CDK12: variants seen among roughly 807,000 people sequenced by gnomAD.
CDK12 encodes cyclin-dependent kinase 12.
In CDK12, 17 loss-of-function variants were observed where a neutral mutation model predicts 133.8. The ratio of observed to expected loss-of-function variants is 0.13; its 90% CI spans 0.09 to 0.19. The LOEUF (loss-of-function observed/expected upper bound fraction) is 0.19, where lower values mean the gene tolerates loss of function less well. Ranked by LOEUF, CDK12 falls within the 10% of genes least tolerant of loss-of-function variation. CDK12 has a pLI of 1.00. For synonymous variants in CDK12, 694 were observed against 683.6 expected (o/e 1.02, Z -0.24); for missense variants, 1,508 against 1,818.7 (o/e 0.83, Z 3.11).
intron 11 of CDK12, 98 bp from the exon 12 acceptor site, chr17:39,524,576 T>C (rs2054379796): frequency 2.9e-6 from 3 of 1,046,446 alleles, no homozygotes; most frequent in Non-Finnish European, 4.3e-6. Context: ...TCTTTACATT[T>C]CCCACAGTCT....
At chr17:39,492,317 C>G (rs1318077124) in intron 3 of CDK12, among the ~76,000 whole-genome samples, 10 of 150,792 alleles carry the variant, frequency 6.6e-5, no homozygotes, top group Non-Finnish European at 1.0e-4. Flanking sequence ...AGGATGGTCT[C>G]TATCTCCTGA....
chr17:39,462,432 G>A lies in CDK12; in HGVS notation c.361G>A (p.Asp121Asn), dbSNP rs2144871534. ...TCACCACCAGCACAGGCGTTCCCGGGACTTACTAAAAGCTAAACAGACCGA... is the reference window on the plus strand; with the variant it reads ...TCACCACCAGCACAGGCGTTCCCGGAACTTACTAAAAGCTAAACAGACCGA... ...HRHHQHRRSR[D>N]LLKAKQTEKE... The change falls in exon 1 of 14, where the codon GAC becomes AAC. Residue 121 changes from aspartate (D) to asparagine (N), a missense_variant. By Grantham distance (23) the Asp-to-Asn change is conservative (BLOSUM62 1). Coordinates refer to ENST00000447079, the MANE Select transcript of CDK12 (RefSeq NM_016507.4). The A allele has an allele frequency of 6.2e-7, 1 of 1,614,094 alleles. No individual in the cohort carries two copies. The highest frequency in any genetic ancestry group is 1.6e-4 in the Middle Eastern group (1 of 6,062).
rs761757608 is a variant in CDK12 at position 39,511,633 on chromosome 17, A to G, written c.2768+3A>G. 3 of 1,597,650 alleles carry G rather than the reference A, an allele frequency of 1.9e-6. No individual in the cohort carries two copies. The highest frequency in any genetic ancestry group is 4.5e-5 in the East Asian group (2 of 44,786). On this transcript the variant is annotated splice_donor_region_variant and intron_variant, in intron 8 of 13. Transcript: ENST00000447079. ...GCCATAGATGTTTGGAGCTGTGGGT[A>G]AGGTTCTGTTAACTTTTTCTTTTGT... is the stretch of plus-strand genomic sequence containing the variant.
chr17:39,470,175 A>C (rs1225359117), intron 1 of CDK12, among the ~76,000 whole-genome samples: 1 of 149,810 alleles, frequency 6.7e-6, no homozygotes, highest in Non-Finnish European at 1.5e-5. Flanking sequence ...TCTGTCGCCC[A>C]GGCTGGAGTG....
intron 2 of CDK12, among the ~76,000 whole-genome samples, chr17:39,476,711 CTTTTTTTTTTTTTTT>C (rs879840168): frequency 4.7e-5 from 4 of 84,516 alleles, no homozygotes; most frequent in African/African-American, 2.3e-4. Context: ...CCATGCCTGC[CTTTTTTTTTTTTTTT>C]TTTTTTTTTT....
intron 2 of CDK12, among the ~76,000 whole-genome samples, chr17:39,488,019 G>A (rs1474179501): frequency 6.6e-6 from 1 of 152,042 alleles, no homozygotes; most frequent in Non-Finnish European, 1.5e-5. Flanking sequence ...CACTTGGGGA[G>A]GTCCAGGATT....
chr17:39,544,185 A>G, upstream of CDK12: 1 of 476,876 alleles, frequency 2.1e-6, no homozygotes, highest in Non-Finnish European at 4.2e-6. Context: ...GCAAGACCAA[A>G]GATGTTCTTT....
At chr17:39,494,442 C>A in intron 4 of CDK12, 82 bp from the exon 5 acceptor site, 1 of 1,173,084 alleles carries the variant, frequency 8.5e-7, no homozygotes, top group South Asian at 1.4e-5. Context: ...GTTTGTCTTC[C>A]AGAGCAAGGG....
chr17:39,472,383 A>G (rs1030109771), intron 2 of CDK12, among the ~76,000 whole-genome samples: 16 of 152,116 alleles, frequency 1.1e-4, no homozygotes, highest in African/African-American at 3.9e-4. Flanking sequence ...AAAAATTAAA[A>G]GAATAATAGG....
chr17:39,479,610 TTTTTGTTTTG>T (rs890142226), intron 2 of CDK12, among the ~76,000 whole-genome samples: 67 of 152,064 alleles, frequency 4.4e-4, no homozygotes, highest in Non-Finnish European at 9.0e-4. Context: ...TGTCTGTTTT[TTTTTGTTTTG>T]TTTTGTTTTT....
chr17:39,490,390 T>C (rs2051492878), intron 2 of CDK12, among the ~76,000 whole-genome samples, 167 bp from the exon 3 acceptor site: 1 of 151,890 alleles, frequency 6.6e-6, no homozygotes. Flanking sequence ...AAAAATTAAG[T>C]ATCTTTAGTT....
At chr17:39,495,274 C>T (rs572648170) in intron 5 of CDK12, among the ~76,000 whole-genome samples, 51 of 150,330 alleles carry the variant, frequency 3.4e-4, no homozygotes, top group Non-Finnish European at 2.2e-4. Flanking sequence ...GAGGAGGTTT[C>T]GCTATGTTCG....
At chr17:39,541,895 C>G (rs1468041869) in intron 1 of CDK12, among the ~76,000 whole-genome samples, 1 of 152,166 alleles carries the variant, frequency 6.6e-6, no homozygotes, top group Non-Finnish European at 1.5e-5. Flanking sequence ...CTTTACAGAG[C>G]AGGAAACTGA....
intron 3 of CDK12, among the ~76,000 whole-genome samples, chr17:39,559,516 T>C (rs763200095): frequency 1.8e-4 from 28 of 152,318 alleles, no homozygotes; most frequent in Non-Finnish European, 3.8e-4. Context: ...TCCTTAACCC[T>C]TGACACCACT....
At chr17:39,555,345 G>A (rs987490981) in intron 2 of CDK12, among the ~76,000 whole-genome samples, 1 of 152,074 alleles carries the variant, frequency 6.6e-6, no homozygotes, top group Admixed American at 6.6e-5. Flanking sequence ...CAGAGCCTGA[G>A]TTCTCATTTG....
Position 39,531,100 on chromosome 17 carries a change from A to C in CDK12, c.4257A>C (p.Pro1419=), listed in dbSNP as rs771288174. The change falls in exon 14 of 14, where the codon CCA becomes CCC. Residue 1419 remains proline, a synonymous_variant. Transcript: ENST00000447079. ...CGTTACACCCGGTGGTCGGGCAACC[A>C]TTCCTGAAGGCTGAGGGAAGCAGCA... ...PLALHPVVGQ[P]FLKAEGSSNS... 6.3e-7 allele frequency: 1 copy of C among 1,588,644 alleles called. No homozygotes were observed. Among genetic ancestry groups the C allele is most frequent in the Admixed American group, 1.8e-5 (1 of 55,642 alleles).
chr17:39,534,018 AT>A lies in CDK12; in HGVS notation c.*2706del. ...AGAGATATTGTCTATTAAATACATT[AT>A]TTTGAACAGATGAGAAATCTGATTC... On this transcript the variant is annotated 3_prime_UTR_variant, in exon 14 of 14. Transcript: ENST00000447079. The A allele has an allele frequency of 4.3e-6, 1 of 232,478 alleles. No individual in the cohort carries two copies. The highest frequency in any genetic ancestry group is 8.5e-6 in the Non-Finnish European group (1 of 117,520). The allele number at this position is 232,478 out of a possible 1,614,324, so 14.4% of individuals were successfully genotyped here.
intron 2 of CDK12, among the ~76,000 whole-genome samples, chr17:39,555,799 G>C (rs995640016): frequency 2.0e-5 from 3 of 147,734 alleles, no homozygotes; most frequent in Non-Finnish European, 4.5e-5. Flanking sequence ...TTCGAGACCA[G>C]CCTGGGAAAC....
rs35826660 is a variant in CDK12, at chr17:39,465,251, T to TAAAA, written c.1046+2149_1046+2152dup. ...ACAGAGACAGAGTAAGACTCAGTCT[T>TAAAA]AAAAAAAAAAAAAAAAAAGCCATGT... is the stretch of plus-strand genomic sequence containing the variant. On this transcript the variant is annotated intron_variant, in intron 1 of 13. Coordinates refer to ENST00000447079, the MANE Select transcript of CDK12 (RefSeq NM_016507.4). Among the ~76,000 whole-genome samples, 33 of 121,250 alleles carry TAAAA rather than the reference T, an allele frequency of 2.7e-4. 1 individual carries two copies. The highest frequency in any genetic ancestry group is 9.9e-4 in the African/African-American group (31 of 31,386). 79.5% of individuals were successfully genotyped at this position (121,250 alleles called of 152,430 possible).
Sources: gnomAD v4.1 joint callset for allele counts (sites outside exome capture counted in the v4.1 genomes callset) on GRCh38, gnomAD v4.1.1 for gene constraint, MANE v1.5 for transcripts, NCBI Gene and HGNC (gene_info 2026-07-23, HGNC 2026-07-21) for gene names.